The following NPIPB8 variants were observed in gnomAD, a reference collection of about 807,000 sequenced individuals.
The protein encoded by NPIPB8 is nuclear pore complex-interacting protein family member B8.
A neutral mutation model predicts 5.3 loss-of-function variants in NPIPB8; 3 were observed. That is an observed-to-expected ratio of 0.57 (90% CI 0.26 to 1.47). The LOEUF is 1.47. Among genes scored for constraint, NPIPB8 ranks in the 40% most tolerant of loss-of-function variants. The pLI, the probability that NPIPB8 is intolerant of heterozygous loss-of-function variation, is 0.13. For synonymous variants in NPIPB8, 18 were observed against 23.0 expected (o/e 0.78, Z 0.62); for missense variants, 50 against 50.2 (o/e 1.00, Z 0.01).
intron 3 of NPIPB8, among the ~76,000 whole-genome samples, 177 bp from the exon 4 acceptor site, chr16:28,651,780 T>C (rs2048048281): frequency 1.7e-5 from 1 of 57,392 alleles, no homozygotes. Flanking sequence ...AGGCGCCCGC[T>C]GCCATGCCTG....
chr16:28,639,706 G>A (rs1182391475), intron 2 of NPIPB8, among the ~76,000 whole-genome samples: 3 of 148,160 alleles, frequency 2.0e-5, no homozygotes, highest in East Asian at 3.9e-4. Context: ...GCCCACCGTG[G>A]CCTCCCAAAG....
chr16:28,644,523 C>A (rs1249737166), intron 2 of NPIPB8: 6 of 1,207,500 alleles, frequency 5.0e-6, no homozygotes, highest in Non-Finnish European at 6.6e-6. Flanking sequence ...CCCCTTCCCT[C>A]CCCCCTGCCC....
intron 5 of NPIPB8, among the ~76,000 whole-genome samples, chr16:28,652,901 C>CTTTTT (rs1197252358): frequency 2.2e-5 from 2 of 90,922 alleles, no homozygotes; most frequent in African/African-American, 9.5e-5. Context: ...CACACCCAGG[C>CTTTTT]TTTTTTTTTT....
chr16:28,638,596 C>T, intron 2 of NPIPB8, 116 bp downstream of exon 2: 5 of 1,388,736 alleles, frequency 3.6e-6, no homozygotes, highest in Non-Finnish European at 4.8e-6. Context: ...ACAGTACTGG[C>T]TTCTTCCTCT....
At chr16:28,644,750 T>C in intron 2 of NPIPB8, 2 of 676,538 alleles carry the variant, frequency 3.0e-6, no homozygotes, top group Non-Finnish European at 4.4e-6. Context: ...ATCCCAGCAC[T>C]TTAGGGGGCC....
In NPIPB8 at chr16:28,641,049, C is replaced by T. The variant is rs1395087431; in HGVS notation, c.120+2569C>T. Reference sequence around the variant, plus strand: ...GAGGTTGTAAACTATTGCTCCCACACTGACAGTGCCCCTGTGTCGTGCATG... The same window carrying T: ...GAGGTTGTAAACTATTGCTCCCACATTGACAGTGCCCCTGTGTCGTGCATG... On this transcript the variant is annotated intron_variant, in intron 2 of 7. Transcript: ENST00000683297. 2.0e-5 allele frequency among the ~76,000 whole-genome samples: 3 copies of T among 152,166 alleles called. No individual in the cohort carries two copies. The East Asian group carries it at 5.8e-4, about 29-fold the overall frequency.
chr16:28,646,417 G>A (rs1172608869), intron 2 of NPIPB8, among the ~76,000 whole-genome samples: 1 of 79,122 alleles, frequency 1.3e-5, no homozygotes, highest in East Asian at 3.9e-4. Context: ...CACCGTGTTA[G>A]CTAGGATGGT....
chr16:28,640,277 A>G (rs1712677734), intron 2 of NPIPB8, among the ~76,000 whole-genome samples: 1 of 147,370 alleles, frequency 6.8e-6, no homozygotes. Context: ...GAAATGTACA[A>G]AATGTACACC....
intron 2 of NPIPB8, among the ~76,000 whole-genome samples, chr16:28,638,886 T>C (rs1342325246): frequency 6.7e-6 from 1 of 148,988 alleles, no homozygotes; most frequent in Non-Finnish European, 1.5e-5. Context: ...CTGACCAATA[T>C]GGCAAAACCT....
chr16:28,642,282 T>C (rs2047912841), intron 2 of NPIPB8, among the ~76,000 whole-genome samples: 1 of 151,308 alleles, frequency 6.6e-6, no homozygotes, highest in Non-Finnish European at 1.5e-5. Context: ...ATTTTTGTAT[T>C]TTTAGTAGAG....
intron 2 of NPIPB8, among the ~76,000 whole-genome samples, chr16:28,639,457 T>TA (rs1476845046): frequency 0.063 from 5,351 of 84,336 alleles, 163 homozygotes; most frequent in African/African-American, 0.13. Context: ...ATATATATAT[T>TA]TTTTTTTTTT....
intron 2 of NPIPB8, among the ~76,000 whole-genome samples, chr16:28,640,567 G>C (rs1370953630): frequency 6.6e-6 from 1 of 152,078 alleles, no homozygotes; most frequent in South Asian, 2.1e-4. Context: ...TGAAATACTT[G>C]GTGGACTCCA....
chr16:28,639,551 G>T (rs2047857125), intron 2 of NPIPB8, among the ~76,000 whole-genome samples: 1 of 134,882 alleles, frequency 7.4e-6, no homozygotes. Context: ...CCGTCTCCCG[G>T]GTTCAAGCAA....
At chr16:28,642,604 C>G in intron 2 of NPIPB8, among the ~76,000 whole-genome samples, 1 of 151,246 alleles carries the variant, frequency 6.6e-6, no homozygotes, top group Non-Finnish European at 1.5e-5. Flanking sequence ...CCTGCCTCAG[C>G]CTCCCAAGTA....
chr16:28,642,994 T>C (rs1223342775), intron 2 of NPIPB8, among the ~76,000 whole-genome samples: 1 of 152,180 alleles, frequency 6.6e-6, no homozygotes, highest in Non-Finnish European at 1.5e-5. Flanking sequence ...GGAAGGCCTG[T>C]GGGAAGTTTA....
At position 28,638,376 on chromosome 16, in the gene NPIPB8, A is replaced by G. The variant is rs748399717; in HGVS notation, c.16A>G (p.Ile6Val). Residue 6 changes from isoleucine (I) to valine (V), a missense_variant, in exon 2 of 8, where the codon ATT becomes GTT. Coordinates refer to ENST00000683297, the MANE Select transcript of NPIPB8 (RefSeq NM_001310136.2). ...CATTCTGCAAATGGTGAAGCTCTCT[A>G]TTGTCCTGACCCCACAGTTCCTGTC... is the stretch of plus-strand genomic sequence containing the variant. MVKLSIVLTPQFLSHD... is the reference protein window; with the variant it reads MVKLSVVLTPQFLSHD... The G allele has an allele frequency of 1.1e-5, 17 of 1,567,346 alleles. No homozygotes were observed. The highest frequency in any genetic ancestry group is 1.4e-5 in the Non-Finnish European group (16 of 1,163,934).
At chr16:28,651,293 T>A in intron 3 of NPIPB8, among the ~76,000 whole-genome samples, 1 of 48,812 alleles carries the variant, frequency 2.0e-5, no homozygotes, top group Non-Finnish European at 3.6e-5. Context: ...TATTTTTTTT[T>A]TTTTTTTTTT....
At chr16:28,641,002 G>A (rs1033069099) in intron 2 of NPIPB8, among the ~76,000 whole-genome samples, 21 of 152,026 alleles carry the variant, frequency 1.4e-4, no homozygotes, top group African/African-American at 4.4e-4. Flanking sequence ...TTGCACAGGT[G>A]AGAGTGCTCA....
At chr16:28,645,094 A>T (rs538959033) in intron 2 of NPIPB8, among the ~76,000 whole-genome samples, 5 of 118,234 alleles carry the variant, frequency 4.2e-5, no homozygotes, top group African/African-American at 1.6e-4. Context: ...CCCAGGCTGG[A>T]GTGCAGTGGC....
Sources: gnomAD v4.1 joint callset for allele counts (sites outside exome capture counted in the v4.1 genomes callset) on GRCh38, gnomAD v4.1.1 for gene constraint, MANE v1.5 for transcripts, NCBI Gene and HGNC (gene_info 2026-07-23, HGNC 2026-07-21) for gene names.